GABRG2: variants seen among roughly 807,000 people sequenced by gnomAD.
The protein encoded by GABRG2 is gamma-aminobutyric acid receptor subunit gamma-2.
In GABRG2, 16 loss-of-function variants were observed where a neutral mutation model predicts 56.4. The observed-to-expected ratio is 0.28, with a 90% CI of 0.19 to 0.43. GABRG2 has a LOEUF of 0.43. Ranked by LOEUF, GABRG2 falls within the 20% of genes least tolerant of loss-of-function variation. The pLI, the probability that GABRG2 is intolerant of heterozygous loss-of-function variation, is 1.00. For missense variants in GABRG2, 327 were observed against 582.7 expected (o/e 0.56, Z 4.52); for synonymous variants, 208 against 205.5 (o/e 1.01, Z -0.10).
At chr5:162,148,183 A>G (rs917244059) in intron 7 of GABRG2, among the ~76,000 whole-genome samples, 1 of 152,212 alleles carries the variant, frequency 6.6e-6, no homozygotes, top group Non-Finnish European at 1.5e-5. Flanking sequence ...TATAATTAGT[A>G]AAGTATGAGC....
intron 4 of GABRG2, 136 bp downstream of exon 4, chr5:162,097,994 T>G: frequency 2.7e-6 from 2 of 731,506 alleles, no homozygotes; most frequent in East Asian, 2.7e-5. Context: ...ATGCTATCAA[T>G]TAGTATATGA....
At chr5:162,138,902 A>G (rs995932174) in intron 6 of GABRG2, among the ~76,000 whole-genome samples, 3 of 152,138 alleles carry the variant, frequency 2.0e-5, no homozygotes, top group Non-Finnish European at 4.4e-5. Context: ...TTTACCATGG[A>G]ATCTTCAAGT....
intron 6 of GABRG2, among the ~76,000 whole-genome samples, chr5:162,126,598 A>T (rs1333200822): frequency 6.6e-6 from 1 of 151,960 alleles, no homozygotes; most frequent in East Asian, 1.9e-4. Flanking sequence ...CCCAGGAGTA[A>T]TTCCAAATAC....
At chr5:162,149,023 A>ATGATGGGC (rs1561660746) in intron 7 of GABRG2, 85 bp from the exon 8 acceptor site, 13 of 1,238,048 alleles carry the variant, frequency 1.1e-5, no homozygotes, top group Admixed American at 1.7e-5. Context: ...ATCAGAAGTC[A>ATGATGGGC]TGAAACAATG....
intron 6 of GABRG2, among the ~76,000 whole-genome samples, chr5:162,140,656 A>G (rs1764493896): frequency 6.6e-6 from 1 of 152,214 alleles, no homozygotes; most frequent in African/African-American, 2.4e-5. Flanking sequence ...ACAGCAAAAT[A>G]TAATTTAGCA....
intron 1 of GABRG2, among the ~76,000 whole-genome samples, chr5:162,076,240 T>C (rs1759095967): frequency 6.6e-6 from 1 of 152,178 alleles, no homozygotes; most frequent in Non-Finnish European, 1.5e-5. Context: ...GTTAGTGACC[T>C]TTACATGGTG....
intron 7 of GABRG2, among the ~76,000 whole-genome samples, chr5:162,143,293 C>T (rs1487745916): frequency 1.3e-5 from 2 of 152,110 alleles, no homozygotes; most frequent in Admixed American, 6.6e-5. Flanking sequence ...TTGAAGTAAT[C>T]GGCTCTTTAC....
intron 1 of GABRG2, among the ~76,000 whole-genome samples, chr5:162,084,411 A>G (rs1759897044): frequency 6.6e-6 from 1 of 151,830 alleles, no homozygotes; most frequent in South Asian, 2.1e-4. Context: ...ACTTACCTAA[A>G]AGCAGTTACC....
chr5:162,092,716 G>A (rs1760695937), intron 1 of GABRG2, among the ~76,000 whole-genome samples: 1 of 152,092 alleles, frequency 6.6e-6, no homozygotes, highest in South Asian at 2.1e-4. Context: ...CAAGGTAAGT[G>A]TGGCAATTAT....
At chr5:162,147,591 C>T (rs1765060721) in intron 7 of GABRG2, among the ~76,000 whole-genome samples, 1 of 152,092 alleles carries the variant, frequency 6.6e-6, no homozygotes, top group Non-Finnish European at 1.5e-5. Flanking sequence ...GTCTCAAATT[C>T]CTGACCTCCT....
chr5:162,102,341 A>G (rs1761487281), intron 5 of GABRG2: 1 of 371,348 alleles, frequency 2.7e-6, no homozygotes, highest in Non-Finnish European at 5.4e-6. Flanking sequence ...TTAATACTCC[A>G]ATTGGGACTA....
At chr5:162,128,354 T>C (rs1253257685) in intron 6 of GABRG2, 1 of 151,962 alleles carries the variant, frequency 6.6e-6, no homozygotes, top group Non-Finnish European at 1.5e-5. Flanking sequence ...AGAGACACTG[T>C]CAGTCTCTCC....
At chr5:162,135,498 T>G (rs1382869758) in intron 6 of GABRG2, among the ~76,000 whole-genome samples, 2 of 152,114 alleles carry the variant, frequency 1.3e-5, no homozygotes, top group African/African-American at 2.4e-5. Flanking sequence ...TGCTAGATGC[T>G]CAGAATAAAA....
At chr5:162,137,123 C>A (rs934288400) in intron 6 of GABRG2, among the ~76,000 whole-genome samples, 2 of 152,122 alleles carry the variant, frequency 1.3e-5, no homozygotes, top group Middle Eastern at 3.4e-3. Context: ...CTTTTATCCA[C>A]AAAAATGTTC....
At position 162,153,634 on chromosome 5, in the gene GABRG2, T is replaced by C; in HGVS notation, c.*266T>C. 1 of 547,798 alleles carries C rather than the reference T, an allele frequency of 1.8e-6. No individual in the cohort carries two copies. Among genetic ancestry groups the C allele is most frequent in the Non-Finnish European group, 3.3e-6 (1 of 305,008 alleles). 33.9% of individuals were successfully genotyped at this position (547,798 alleles called of 1,614,324 possible). A position where few individuals can be genotyped will look rare whatever the true frequency, so the allele number is the denominator to read the frequency against. ...AGAACATTCAAACCAAATAAGATAT[T>C]TTTCAGCTACAGCAAATAAAACAGT... On this transcript the variant is annotated 3_prime_UTR_variant, in exon 10 of 10. Transcript: ENST00000639213.
At chr5:162,151,698 T>C in intron 8 of GABRG2, 32 bp from the exon 9 acceptor site, 1 of 1,581,244 alleles carries the variant, frequency 6.3e-7, no homozygotes, top group Non-Finnish European at 8.6e-7. Flanking sequence ...TAAAAACAAA[T>C]GCAATTCTCT....
intron 1 of GABRG2, among the ~76,000 whole-genome samples, chr5:162,068,765 T>C (rs2113088765): frequency 6.6e-6 from 1 of 152,166 alleles, no homozygotes; most frequent in South Asian, 2.1e-4. Flanking sequence ...ACTCAGGGCA[T>C]CCACAGAGTC....
intron 1 of GABRG2, among the ~76,000 whole-genome samples, chr5:162,085,001 C>T (rs1400421653): frequency 1.3e-5 from 2 of 151,756 alleles, no homozygotes; most frequent in East Asian, 3.9e-4. Flanking sequence ...ATTATGAACC[C>T]ACTTCAGGTT....
chr5:162,091,514 T>A (rs1760585146), intron 1 of GABRG2, among the ~76,000 whole-genome samples: 1 of 152,036 alleles, frequency 6.6e-6, no homozygotes, highest in East Asian at 1.9e-4. Context: ...TCCCCAAAGT[T>A]GTTAACAGTA....
Sources: allele counts gnomAD v4.1 joint callset (sites outside exome capture counted in the v4.1 genomes callset), GRCh38; gene constraint gnomAD v4.1.1; transcripts MANE v1.5; gene names NCBI Gene and HGNC (gene_info 2026-07-23, HGNC 2026-07-21).